NAV1: variants seen among roughly 807,000 people sequenced by gnomAD.
NAV1 encodes pore membrane and/or filament interacting like protein 3.
In NAV1, 18 loss-of-function variants were observed where a neutral mutation model predicts 175.2. That is an observed-to-expected ratio of 0.10 (90% CI 0.07 to 0.15). NAV1 has a LOEUF of 0.15. Ranked by LOEUF, NAV1 falls within the 10% of genes least tolerant of loss-of-function variation. NAV1 has a pLI of 1.00. For missense variants in NAV1, 1,731 were observed against 2,436.6 expected, an observed-to-expected ratio of 0.71 and a Z score of 6.10; for synonymous variants, 897 against 978.7, an observed-to-expected ratio of 0.92 and a Z score of 1.56.
In NAV1 at chr1:201,740,716, G is replaced by T. The variant is rs758653091; in HGVS notation, c.1226+21961G>T. On this transcript the variant is annotated intron_variant, in intron 3 of 29. Transcript: ENST00000367296. This position sits in a 1 kb window ranked among gnomAD's most constrained non-coding sequence, Gnocchi z 4.7. ...GGAAGGGGTGAAAAATCGGAGAGCCGGGTAATTTGGGGAGACGCACAGTGA... is the reference window on the plus strand; with the variant it reads ...GGAAGGGGTGAAAAATCGGAGAGCCTGGTAATTTGGGGAGACGCACAGTGA... Among the ~76,000 whole-genome samples, 1 of 152,094 alleles carries T rather than the reference G, an allele frequency of 6.6e-6. No individual in the cohort carries two copies. Among genetic ancestry groups the T allele is most frequent in the African/African-American group, 2.4e-5 (1 of 41,390 alleles).
At chr1:201,714,095 G>C (rs1422446944) in intron 2 of NAV1, among the ~76,000 whole-genome samples, 2 of 152,188 alleles carry the variant, frequency 1.3e-5, no homozygotes, top group East Asian at 3.8e-4. Context: ...ATTTTTAGTA[G>C]AGATGGGGTT....
chr1:201,583,343 A>G (rs1305537682), intron 1 of NAV1, among the ~76,000 whole-genome samples: 2 of 152,396 alleles, frequency 1.3e-5, no homozygotes, highest in African/African-American at 4.8e-5. Flanking sequence ...TAATTGTCCA[A>G]GCCCTCCAAC....
intron 1 of NAV1, among the ~76,000 whole-genome samples, chr1:201,540,205 T>C (rs1341755500): frequency 6.6e-6 from 1 of 152,166 alleles, no homozygotes; most frequent in African/African-American, 2.4e-5. Flanking sequence ...GAGGGTTCCT[T>C]GTCCCCTGGA....
At chr1:201,594,670 C>T (rs1667303036) in intron 2 of NAV1, among the ~76,000 whole-genome samples, 1 of 152,186 alleles carries the variant, frequency 6.6e-6, no homozygotes, top group Admixed American at 6.5e-5. Flanking sequence ...CTCTGTGATA[C>T]ATGGGTCGTG....
chr1:201,624,336 CTT>C (rs1188885818), intron 1 of NAV1, among the ~76,000 whole-genome samples: 158 of 79,392 alleles, frequency 2.0e-3, no homozygotes, highest in African/African-American at 6.4e-3. Context: ...GTCAACTACG[CTT>C]TTTTTTTTTT....
chr1:201,749,050 A>C (rs913003041), intron 3 of NAV1, among the ~76,000 whole-genome samples: 30 of 152,314 alleles, frequency 2.0e-4, no homozygotes, highest in Non-Finnish European at 4.0e-4. Flanking sequence ...CGGGAGGCTG[A>C]GGCAGGAGAA....
intron 3 of NAV1, among the ~76,000 whole-genome samples, chr1:201,774,253 C>T (rs1323744090): frequency 6.6e-6 from 1 of 152,132 alleles, no homozygotes; most frequent in Admixed American, 6.6e-5. Context: ...ATGCAGTAGC[C>T]CTGCATAACT....
rs12067464 is a variant in NAV1, at chr1:201,787,109, C to A, written c.2995+532C>A. Among the ~76,000 whole-genome samples, 1,356 of 152,296 alleles carry A rather than the reference C, an allele frequency of 8.9e-3. 20 individuals are homozygous for A. Among genetic ancestry groups the A allele is most frequent in the African/African-American group, 0.03 (1,246 of 41,564 alleles). On this transcript the variant is annotated intron_variant, in intron 9 of 29. Transcript: ENST00000367296. The surrounding 1 kb of genome is among the most constrained non-coding windows in gnomAD (Gnocchi z 4.3). ...GCTGACTCAGATGTGTCCTGGCCACCCCCTTCCTAAAGCCTAGGGAGAAAG... is the reference window on the plus strand; with the variant it reads ...GCTGACTCAGATGTGTCCTGGCCACACCCTTCCTAAAGCCTAGGGAGAAAG...
chr1:201,652,140 T>C (rs1421837114), intron 1 of NAV1, among the ~76,000 whole-genome samples: 1 of 151,798 alleles, frequency 6.6e-6, no homozygotes, highest in African/African-American at 2.4e-5. Context: ...AGGATTGTGA[T>C]TGAAGACACT....
At chr1:201,819,908 C>T (rs1479247054) in exon 30 of NAV1, 1 of 1,614,052 alleles carries the variant, frequency 6.2e-7, no homozygotes, top group Non-Finnish European at 8.5e-7. Flanking sequence ...CCATCCTGGA[C>T]CCCAACCTTC....
chr1:201,628,501 T>C (rs1217362975), intron 1 of NAV1, among the ~76,000 whole-genome samples: 1 of 151,900 alleles, frequency 6.6e-6, no homozygotes, highest in African/African-American at 2.4e-5. Flanking sequence ...CATCTAGGCA[T>C]TGAAAAAAGT....
chr1:201,817,059 A>G (rs1476191310), intron 28 of NAV1, 29 bp from the exon 33 acceptor site: 1 of 1,605,184 alleles, frequency 6.2e-7, no homozygotes, highest in African/African-American at 1.3e-5. Context: ...TTAATTCCCC[A>G]CAGTAATCAT....
At chr1:201,660,287 T>C (rs1159476180) in intron 1 of NAV1, among the ~76,000 whole-genome samples, 1 of 152,156 alleles carries the variant, frequency 6.6e-6, no homozygotes, top group Non-Finnish European at 1.5e-5. Context: ...TCAGCTGTAG[T>C]GGCGGGGCTG....
intron 12 of NAV1, 43 bp from the exon 17 acceptor site, chr1:201,790,646 C>T: frequency 6.2e-7 from 1 of 1,613,832 alleles, no homozygotes; most frequent in South Asian, 1.1e-5. Flanking sequence ...AAATCTTATA[C>T]AGCTTCTGCA....
At chr1:201,599,578 A>C (rs1051551787) in intron 2 of NAV1, among the ~76,000 whole-genome samples, 11 of 152,218 alleles carry the variant, frequency 7.2e-5, no homozygotes, top group African/African-American at 2.7e-4. Flanking sequence ...GCAGCCAGCG[A>C]AATCCAGGAC....
intron 2 of NAV1, among the ~76,000 whole-genome samples, chr1:201,638,886 T>TA (rs1339263575): frequency 1.3e-5 from 2 of 152,188 alleles, no homozygotes; most frequent in Non-Finnish European, 2.9e-5. Flanking sequence ...AGTGAGCCCT[T>TA]ACTAACTAAC....
intron 3 of NAV1, among the ~76,000 whole-genome samples, chr1:201,775,403 C>T (rs1467523422): frequency 6.6e-6 from 1 of 152,168 alleles, no homozygotes; most frequent in Non-Finnish European, 1.5e-5. Flanking sequence ...ATCTGACCAA[C>T]CCATGAGAAA....
chr1:201,636,072 G>A (rs1004785046), intron 2 of NAV1, among the ~76,000 whole-genome samples: 1 of 152,242 alleles, frequency 6.6e-6, no homozygotes, highest in African/African-American at 2.4e-5. Flanking sequence ...GTGCAGCTCT[G>A]AAGATCTGGC....
chr1:201,692,117 CG>C (rs1446522071), intron 1 of NAV1, among the ~76,000 whole-genome samples: 1 of 152,194 alleles, frequency 6.6e-6, no homozygotes, highest in Non-Finnish European at 1.5e-5. Context: ...CTGTCTCACC[CG>C]TTATTCAACG....
Sources: allele counts gnomAD v4.1 joint callset (sites outside exome capture counted in the v4.1 genomes callset), GRCh38; gene constraint gnomAD v4.1.1; non-coding constraint Gnocchi (gnomAD v3.1); transcripts MANE v1.5; gene names NCBI Gene and HGNC (gene_info 2026-07-23, HGNC 2026-07-21).